Variants in CACNA1C observed in about 807,000 individuals in gnomAD.
CACNA1C encodes the protein voltage-dependent L-type calcium channel subunit alpha-1C.
In CACNA1C, 30 loss-of-function variants were observed where a neutral mutation model predicts 229.0. That is an observed-to-expected ratio of 0.13 (90% CI 0.10 to 0.18). The LOEUF (loss-of-function observed/expected upper bound fraction) is 0.18. CACNA1C is among the 10% of genes least tolerant of loss of function. The pLI, the probability that CACNA1C is intolerant of heterozygous loss-of-function variation, is 1.00. For missense variants in CACNA1C, 1,658 were observed against 2,845.0 expected, an observed-to-expected ratio of 0.58 and a Z score of 9.49; for synonymous variants, 1,114 against 1,132.5, an observed-to-expected ratio of 0.98 and a Z score of 0.33.
chr12:2,400,860 T>C (rs2098667359), intron 3 of CACNA1C, among the ~76,000 whole-genome samples: 1 of 152,204 alleles, frequency 6.6e-6, no homozygotes, highest in Non-Finnish European at 1.5e-5. Flanking sequence ...CAGCTACAGC[T>C]ATTGTTACTG....
At chr12:2,072,562 T>C (rs915618095) in intron 1 of CACNA1C, among the ~76,000 whole-genome samples, 1 of 152,188 alleles carries the variant, frequency 6.6e-6, no homozygotes, top group Non-Finnish European at 1.5e-5. Context: ...ACCTAATGAT[T>C]TCTAGTCTGT....
intron 3 of CACNA1C, among the ~76,000 whole-genome samples, chr12:2,166,091 C>T (rs113126339): frequency 9.8e-5 from 15 of 152,336 alleles, no homozygotes; most frequent in Middle Eastern, 3.4e-3. Flanking sequence ...AGTGCTCCAG[C>T]GATTTCTCAA....
At chr12:2,174,878 A>G (rs957453880) in intron 3 of CACNA1C, among the ~76,000 whole-genome samples, 7 of 152,242 alleles carry the variant, frequency 4.6e-5, no homozygotes, top group African/African-American at 1.7e-4. Flanking sequence ...TATATTTACT[A>G]TTCATTAAGT....
chr12:2,628,663 T>C (rs2088538559), intron 29 of CACNA1C, among the ~76,000 whole-genome samples: 1 of 152,068 alleles, frequency 6.6e-6, no homozygotes, highest in African/African-American at 2.4e-5. Flanking sequence ...TCCTAACACT[T>C]TGCAGGGCGG....
rs1404041403 is a variant in CACNA1C, at chr12:2,693,287, C to T, written c.*2088C>T. 1.3e-5 allele frequency: 2 copies of T among 152,210 alleles called. No homozygotes were observed. Among genetic ancestry groups the T allele is most frequent in the African/African-American group, 2.4e-5 (1 of 41,444 alleles). 9.4% of individuals were successfully genotyped at this position (152,210 alleles called of 1,614,324 possible). A position where few individuals can be genotyped will look rare whatever the true frequency, so the allele number is the denominator to read the frequency against. Reference sequence around the variant, plus strand: ...GGAGGCGTTCTGATGAGCCCTCAGTCACTGGGCCGTCATCCGCATCCCCCA... The same window carrying T: ...GGAGGCGTTCTGATGAGCCCTCAGTTACTGGGCCGTCATCCGCATCCCCCA... On this transcript the variant is annotated 3_prime_UTR_variant, in exon 47 of 47. Transcript: ENST00000399655.
In CACNA1C at chr12:2,256,643, G is replaced by A. The variant is rs142370528; in HGVS notation, c.477+136213G>A. Among the ~76,000 whole-genome samples, 195 of 152,250 alleles carry A rather than the reference G, an allele frequency of 1.3e-3. 1 individual carries two copies. The highest frequency in any genetic ancestry group is 2.3e-3 in the South Asian group (11 of 4,822). ...AGAGCCAGGACGTAAAGCAGATGGC[G>A]CGTTTCCAGGGGTAGAGAAATGAGG... On this transcript the variant is annotated intron_variant, in intron 3 of 46. Coordinates refer to ENST00000399655, the MANE Select transcript of CACNA1C (RefSeq NM_000719.7).
At chr12:2,177,628 C>CCTTCCTTCCTTCCT (rs1454403229) in intron 3 of CACNA1C, among the ~76,000 whole-genome samples, 1 of 106,318 alleles carries the variant, frequency 9.4e-6, no homozygotes, top group Non-Finnish European at 1.9e-5. Flanking sequence ...TTCCTTCCTT[C>CCTTCCTTCCTTCCT]TCTCTCTCTT....
intron 5 of CACNA1C, among the ~76,000 whole-genome samples, chr12:2,472,086 A>G (rs2099596533): frequency 6.6e-6 from 1 of 152,140 alleles, no homozygotes; most frequent in Admixed American, 6.5e-5. Context: ...GTGCATCATT[A>G]TTATATTCAT....
chr12:2,256,645 G>A (rs534958763), intron 3 of CACNA1C, among the ~76,000 whole-genome samples: 11 of 152,278 alleles, frequency 7.2e-5, no homozygotes, highest in East Asian at 3.9e-4. Flanking sequence ...CAGATGGCGC[G>A]TTTCCAGGGG....
chr12:2,233,647 G>A (rs867242779), intron 3 of CACNA1C, among the ~76,000 whole-genome samples: 11 of 152,204 alleles, frequency 7.2e-5, no homozygotes, highest in African/African-American at 2.7e-4. Context: ...CTTTGCCCAT[G>A]CCTTGTTTCT....
intron 10 of CACNA1C, among the ~76,000 whole-genome samples, chr12:2,554,293 C>T (rs950897066): frequency 6.6e-6 from 1 of 152,186 alleles, no homozygotes; most frequent in Admixed American, 6.5e-5. Context: ...GAGAAAGTAT[C>T]TGGGGTTGCA....
chr12:2,694,255 A>G lies in CACNA1C; in HGVS notation c.*3056A>G, dbSNP rs1307108928. On this transcript the variant is annotated 3_prime_UTR_variant, in exon 47 of 47. Coordinates refer to ENST00000399655, the MANE Select transcript of CACNA1C (RefSeq NM_000719.7). ...TAGTGACATCAATGAACCACAGCAC[A>G]ATCTTCCAAGTGATGTCTACTCTCC... 6.6e-6 allele frequency: 1 copy of G among 152,232 alleles called. No homozygotes were observed. The highest frequency in any genetic ancestry group is 6.5e-5 in the Admixed American group (1 of 15,286). The allele number at this position is 152,232 out of a possible 1,614,324, so 9.4% of individuals were successfully genotyped here. A position where few individuals can be genotyped will look rare whatever the true frequency, so the allele number is the denominator to read the frequency against.
At chr12:2,061,509 C>T (rs2057478784) in intron 1 of CACNA1C, among the ~76,000 whole-genome samples, 1 of 150,544 alleles carries the variant, frequency 6.6e-6, no homozygotes, top group South Asian at 2.1e-4. Flanking sequence ...GAGCCTGTGG[C>T]CAGTAGGCTC....
At chr12:2,256,200 A>T (rs1444533246) in intron 3 of CACNA1C, among the ~76,000 whole-genome samples, 2 of 152,092 alleles carry the variant, frequency 1.3e-5, no homozygotes, top group Admixed American at 6.6e-5. Context: ...GACTACCTGG[A>T]GGCTAAGCCC....
intron 5 of CACNA1C, among the ~76,000 whole-genome samples, chr12:2,473,204 A>T (rs1271971754): frequency 1.3e-5 from 2 of 152,150 alleles, no homozygotes; most frequent in African/African-American, 4.8e-5. Flanking sequence ...GCTATCTGAT[A>T]TGCCTCATTG....
At chr12:2,535,319 G>A (rs1472723390) in intron 9 of CACNA1C, among the ~76,000 whole-genome samples, 6 of 151,384 alleles carry the variant, frequency 4.0e-5, no homozygotes, top group African/African-American at 1.5e-4. Context: ...AACCTGGGGA[G>A]TGGAGCTTGC....
chr12:2,045,813 G>A (rs1440240513), intron 1 of CACNA1C, among the ~76,000 whole-genome samples: 1 of 152,048 alleles, frequency 6.6e-6, no homozygotes, highest in South Asian at 2.1e-4. Context: ...CCCAGAGAGT[G>A]TCAGTGTTAG....
At chr12:2,101,199 G>T (rs555798806) in intron 1 of CACNA1C, among the ~76,000 whole-genome samples, 1 of 152,110 alleles carries the variant, frequency 6.6e-6, no homozygotes, top group African/African-American at 2.4e-5. Context: ...CTCCAGTGAC[G>T]GGCTTCTAGG....
At chr12:2,237,265 T>G (rs533700736) in intron 3 of CACNA1C, among the ~76,000 whole-genome samples, 1 of 152,362 alleles carries the variant, frequency 6.6e-6, no homozygotes, top group Admixed American at 6.5e-5. Flanking sequence ...CTTCTCTTTC[T>G]GCCTCTGCAC....
Sources: allele counts gnomAD v4.1 joint callset (sites outside exome capture counted in the v4.1 genomes callset), GRCh38; gene constraint gnomAD v4.1.1; transcripts MANE v1.5; gene names NCBI Gene and HGNC (gene_info 2026-07-23, HGNC 2026-07-21).